Variants in GRIA1 observed in about 807,000 individuals in gnomAD.
GRIA1 encodes the protein glutamate receptor 1.
A neutral mutation model predicts 99.2 loss-of-function variants in GRIA1; 31 were observed. The observed-to-expected ratio is 0.31, with a 90% CI of 0.23 to 0.42. The LOEUF (loss-of-function observed/expected upper bound fraction) is 0.42. Among genes scored for constraint, GRIA1 ranks in the 10% least tolerant of loss-of-function variants. The pLI is 1.00. For synonymous variants in GRIA1, 438 were observed against 432.4 expected, an observed-to-expected ratio of 1.01 and a Z score of -0.16; for missense variants, 782 against 1,157.5, an observed-to-expected ratio of 0.68 and a Z score of 4.71.
intron 2 of GRIA1, among the ~76,000 whole-genome samples, chr5:153,624,997 G>A (rs1040144343): frequency 6.6e-6 from 1 of 152,138 alleles, no homozygotes; most frequent in Non-Finnish European, 1.5e-5. Flanking sequence ...ATCCATTCAC[G>A]GCAGCAGAGA....
intron 11 of GRIA1, among the ~76,000 whole-genome samples, chr5:153,739,431 A>G (rs1314728513): frequency 6.6e-6 from 1 of 152,246 alleles, no homozygotes; most frequent in African/African-American, 2.4e-5. Flanking sequence ...GGCCTGGCAC[A>G]TAGAAGCCTC....
In GRIA1 at chr5:153,654,852, A is replaced by G. The variant is rs374630811; in HGVS notation, c.646-967A>G. Among the ~76,000 whole-genome samples the G allele has an allele frequency of 4.6e-5, 7 of 152,294 alleles. No homozygotes were observed. In the East Asian group the frequency reaches 9.7e-4, roughly 21 times the overall value. The stretch of plus-strand genomic sequence containing the variant: ...AAAAATAGGGAATTAGATCTAGTTA[A>G]TCTGCAGGCTGAGCTAGATCTAAAA... On this transcript the variant is annotated intron_variant, in intron 4 of 15. Transcript: ENST00000285900.
intron 2 of GRIA1, chr5:153,573,263 C>G (rs1451039362): frequency 6.6e-6 from 1 of 152,106 alleles, no homozygotes; most frequent in Admixed American, 6.5e-5. Context: ...GCCTGGAGGA[C>G]ATTTACAAGG....
At chr5:153,574,891 T>A (rs754223507) in intron 2 of GRIA1, among the ~76,000 whole-genome samples, 4 of 151,986 alleles carry the variant, frequency 2.6e-5, no homozygotes, top group Non-Finnish European at 5.9e-5. Flanking sequence ...ATCCCTAAGG[T>A]CCCTTTCAGC....
intron 2 of GRIA1, among the ~76,000 whole-genome samples, chr5:153,640,385 CA>C (rs1444468835): frequency 6.6e-6 from 1 of 152,232 alleles, no homozygotes; most frequent in African/African-American, 2.4e-5. Context: ...TACATTGACA[CA>C]TGACACAATG....
At chr5:153,628,925 G>A (rs1240487476) in intron 2 of GRIA1, among the ~76,000 whole-genome samples, 1 of 152,164 alleles carries the variant, frequency 6.6e-6, no homozygotes, top group Admixed American at 6.5e-5. Context: ...GACCAGCTTT[G>A]TTCCTCTCCT....
In GRIA1 at chr5:153,770,290, C is replaced by T; in HGVS notation, c.2145C>T (p.Ala715=). 1 of 1,614,014 alleles carries T rather than the reference C, an allele frequency of 6.2e-7. No individual in the cohort carries two copies. Among genetic ancestry groups the T allele is most frequent in the Non-Finnish European group, 8.5e-7 (1 of 1,179,952 alleles). The change falls in exon 13 of 16, where the codon GCC becomes GCT. Residue 715 remains alanine (A), a synonymous_variant. Transcript: ENST00000285900. ...TGAGGAAATCCAAAGGCAAATATGC[C>T]TACCTCCTGGAGTCCACCATGAATG... ...IRVRKSKGKY[A]YLLESTMNEY...
chr5:153,546,038 A>G (rs1342788988), intron 2 of GRIA1, among the ~76,000 whole-genome samples: 1 of 152,246 alleles, frequency 6.6e-6, no homozygotes, highest in African/African-American at 2.4e-5. Flanking sequence ...TCCAAAGAAT[A>G]TAATTACTGA....
In GRIA1 at chr5:153,541,928, CAAAAAAAAAAAAA is replaced by C. The variant is rs57442019; in HGVS notation, c.220+47875_220+47887del. Among the ~76,000 whole-genome samples the C allele has an allele frequency of 1.5e-3, 148 of 97,432 alleles. 2 individuals are homozygous for C. The highest frequency in any genetic ancestry group is 4.6e-3 in the African/African-American group (140 of 30,258). The allele number at this position is 97,432 out of a possible 152,430, so 63.9% of individuals were successfully genotyped here. ...CGGGTGACAGAACGAGATCCTGTTT[CAAAAAAAAAAAAA>C]AAAAAAAAAAACAAGAAAAGTGTTG... On this transcript the variant is annotated intron_variant, in intron 2 of 15. Coordinates refer to ENST00000285900, the MANE Select transcript of GRIA1 (RefSeq NM_000827.4).
intron 11 of GRIA1, among the ~76,000 whole-genome samples, chr5:153,744,543 G>C (rs1762025241): frequency 6.6e-6 from 1 of 152,216 alleles, no homozygotes; most frequent in Non-Finnish European, 1.5e-5. Flanking sequence ...CCCTACAGAG[G>C]AAAGCGTTAC....
At chr5:153,569,727 C>A (rs1417185262) in intron 2 of GRIA1, among the ~76,000 whole-genome samples, 2 of 152,112 alleles carry the variant, frequency 1.3e-5, no homozygotes, top group African/African-American at 4.8e-5. Context: ...GTTTCCTATT[C>A]CTGGGCATTG....
intron 2 of GRIA1, among the ~76,000 whole-genome samples, chr5:153,588,221 G>T (rs1763661447): frequency 6.6e-6 from 1 of 152,088 alleles, no homozygotes; most frequent in Non-Finnish European, 1.5e-5. Flanking sequence ...ATATTTGAGG[G>T]AATCAATTTT....
chr5:153,741,933 T>TAAAAAAAAAA (rs772744445), intron 11 of GRIA1, among the ~76,000 whole-genome samples: 1 of 100,668 alleles, frequency 9.9e-6, no homozygotes. Flanking sequence ...AAAGCTTTTT[T>TAAAAAAAAAA]TAAAAAAAAA....
At chr5:153,703,926 C>A (rs960805393) in intron 10 of GRIA1, among the ~76,000 whole-genome samples, 1 of 152,200 alleles carries the variant, frequency 6.6e-6, no homozygotes, top group African/African-American at 2.4e-5. Flanking sequence ...CTCCCCCATT[C>A]TTTTTCTGTT....
chr5:153,743,297 A>T lies in GRIA1; in HGVS notation c.1824-21137A>T, dbSNP rs532071203. On this transcript the variant is annotated intron_variant, in intron 11 of 15. Coordinates refer to ENST00000285900, the MANE Select transcript of GRIA1 (RefSeq NM_000827.4). ...TGTAATGAATAACCACAAACTTAGT[A>T]GCTTCGACAACACCCATATATTACC... Among the ~76,000 whole-genome samples the T allele has an allele frequency of 3.3e-5, 5 of 152,290 alleles. No individual in the cohort carries two copies. The South Asian group carries it at 1.0e-3, about 32-fold the overall frequency.
chr5:153,681,208 C>T (rs886395188), intron 7 of GRIA1, among the ~76,000 whole-genome samples: 5 of 152,098 alleles, frequency 3.3e-5, no homozygotes, highest in African/African-American at 4.8e-5. Context: ...GGCTCTTTTA[C>T]ACAACCAGCT....
chr5:153,499,389 G>C (rs1479708172), intron 2 of GRIA1, among the ~76,000 whole-genome samples: 1 of 151,916 alleles, frequency 6.6e-6, no homozygotes, highest in Non-Finnish European at 1.5e-5. Flanking sequence ...GCCGAGGTGG[G>C]CAGATCATGA....
At chr5:153,774,754 C>T (rs927882144) in intron 13 of GRIA1, among the ~76,000 whole-genome samples, 2 of 152,242 alleles carry the variant, frequency 1.3e-5, no homozygotes, top group African/African-American at 4.8e-5. Flanking sequence ...TAACTGACAT[C>T]TAAGGCCCAA....
At chr5:153,804,027 C>T (rs963263913) in intron 15 of GRIA1, among the ~76,000 whole-genome samples, 4 of 152,190 alleles carry the variant, frequency 2.6e-5, no homozygotes, top group East Asian at 1.9e-4. Context: ...GCTCTCCTCA[C>T]GTACTCCATA....
Sources: allele counts gnomAD v4.1 joint callset (sites outside exome capture counted in the v4.1 genomes callset), GRCh38; gene constraint gnomAD v4.1.1; transcripts MANE v1.5; gene names NCBI Gene and HGNC (gene_info 2026-07-23, HGNC 2026-07-21).